Variants in TNS1 observed in about 807,000 individuals in gnomAD.
TNS1 encodes the protein tensin-1.
In TNS1, 62 loss-of-function variants were observed where a neutral mutation model predicts 168.6. The ratio of observed to expected loss-of-function variants is 0.37; its 90% CI spans 0.30 to 0.45. The LOEUF (loss-of-function observed/expected upper bound fraction) is 0.45, where lower values mean the gene tolerates loss of function less well. Among genes scored for constraint, TNS1 ranks in the 20% least tolerant of loss-of-function variants. The pLI is 1.00. For synonymous variants in TNS1, 934 were observed against 933.2 expected, an observed-to-expected ratio of 1.00 and a Z score of -0.02; for missense variants, 2,240 against 2,339.4, an observed-to-expected ratio of 0.96 and a Z score of 0.88.
intron 3 of TNS1, among the ~76,000 whole-genome samples, chr2:217,974,868 C>T (rs960740346): frequency 4.6e-5 from 7 of 152,190 alleles, no homozygotes; most frequent in Non-Finnish European, 7.3e-5. Context: ...CTCTGGGCAT[C>T]TGTAGTGTCA....
chr2:217,889,935 C>G, intron 12 of TNS1, among the ~76,000 whole-genome samples: 1 of 152,232 alleles, frequency 6.6e-6, no homozygotes, highest in East Asian at 1.9e-4. Flanking sequence ...CTGCCTGTGC[C>G]TTCCTGTGCA....
intron 4 of TNS1, among the ~76,000 whole-genome samples, chr2:217,912,064 G>A (rs1954472168): frequency 6.6e-6 from 1 of 152,240 alleles, no homozygotes; most frequent in African/African-American, 2.4e-5. Context: ...AGACACATAT[G>A]CCCTCTCCAC....
At chr2:217,983,962 G>A (rs1958124396) in intron 2 of TNS1, among the ~76,000 whole-genome samples, 1 of 152,178 alleles carries the variant, frequency 6.6e-6, no homozygotes, top group East Asian at 1.9e-4. Context: ...ATTTAAATCA[G>A]TAAACTATGA....
chr2:217,801,159 G>A lies in TNS1; in HGVS notation c.*3300C>T, dbSNP rs1214115807. 6.6e-6 allele frequency: 1 copy of A among 152,232 alleles called. No homozygotes were observed. The highest frequency in any genetic ancestry group is 1.9e-4 in the East Asian group (1 of 5,196). 9.4% of individuals were successfully genotyped at this position (152,232 alleles called of 1,614,324 possible). On this transcript the variant is annotated 3_prime_UTR_variant, in exon 33 of 33. Transcript: ENST00000682258. ...GGTCAAAGGCCTTTCCCAAACTTAG[G>A]ATGTGATGTATCTGTCCCTTAAGCG...
intron 19 of TNS1, among the ~76,000 whole-genome samples, chr2:217,840,059 G>C (rs1477245580): frequency 6.6e-6 from 1 of 152,252 alleles, no homozygotes; most frequent in East Asian, 1.9e-4. Context: ...GGAGGGAGGG[G>C]CGGTTGAAGG....
intron 18 of TNS1, among the ~76,000 whole-genome samples, chr2:217,868,796 C>T (rs917419465): frequency 4.6e-5 from 7 of 152,220 alleles, no homozygotes; most frequent in Admixed American, 1.3e-4. Context: ...CCAATCAGCA[C>T]GGGGCCTCCC....
At position 217,906,035 on chromosome 2, in the gene TNS1, G is replaced by A. The variant is rs999824839; in HGVS notation, c.321+300C>T. ...TCGGTTTCCCTTGCTGTGGTTTTGCGCATTTCCCCTTGATCCCCATGGCCA... is the reference window on the plus strand; with the variant it reads ...TCGGTTTCCCTTGCTGTGGTTTTGCACATTTCCCCTTGATCCCCATGGCCA... On this transcript the variant is annotated intron_variant, in intron 6 of 32. Coordinates refer to ENST00000682258, the MANE Select transcript of TNS1 (RefSeq NM_001387777.1). Among the ~76,000 whole-genome samples the A allele has an allele frequency of 1.1e-4, 17 of 152,256 alleles. No homozygotes were observed. The East Asian group carries it at 3.1e-3, about 28-fold the overall frequency.
intron 16 of TNS1, among the ~76,000 whole-genome samples, chr2:217,884,272 T>A (rs1368923674): frequency 6.6e-6 from 1 of 150,884 alleles, no homozygotes; most frequent in Non-Finnish European, 1.5e-5. Context: ...GGTGCATAGA[T>A]GGATGGGTGG....
At position 217,823,678 on chromosome 2, in the gene TNS1, G is replaced by A. The variant is rs374546722; in HGVS notation, c.3374-1740C>T. On this transcript the variant is annotated intron_variant, in intron 22 of 32. Transcript: ENST00000682258. The stretch of plus-strand genomic sequence containing the variant: ...ACACAGCTCCAGCCACAGCCTGCCC[G>A]TCTGTCTTTTGTCCCCATACAGAAC... Among the ~76,000 whole-genome samples the A allele has an allele frequency of 7.1e-4, 108 of 152,286 alleles. 3 individuals carry two copies. In the South Asian group the frequency reaches 0.021, roughly 29 times the overall value.
In TNS1 at chr2:217,853,450, T is replaced by C. The variant is rs549231505; in HGVS notation, c.1430-4363A>G. 3.3e-5 allele frequency among the ~76,000 whole-genome samples: 5 copies of C among 152,076 alleles called. No homozygotes were observed. In the East Asian group the frequency reaches 7.7e-4, roughly 23 times the overall value. ...GAGGGGTCTGCATGTTTGGGGGCTG[T>C]GGGCATTGTCACGGGTGACAATGGA... On this transcript the variant is annotated intron_variant, in intron 18 of 32. Coordinates refer to ENST00000682258, the MANE Select transcript of TNS1 (RefSeq NM_001387777.1).
intron 2 of TNS1, among the ~76,000 whole-genome samples, chr2:217,984,837 C>A (rs1360938900): frequency 6.6e-6 from 1 of 151,264 alleles, no homozygotes; most frequent in East Asian, 1.9e-4. Context: ...CTCACTGCAA[C>A]CTCCACCTCC....
At chr2:217,877,625 C>T (rs1010051166) in intron 18 of TNS1, among the ~76,000 whole-genome samples, 4 of 152,314 alleles carry the variant, frequency 2.6e-5, no homozygotes, top group African/African-American at 9.6e-5. Context: ...CGGGAGAGGG[C>T]TCTAAGTGTC....
intron 2 of TNS1, among the ~76,000 whole-genome samples, chr2:217,982,984 C>A (rs544736018): frequency 2.4e-4 from 36 of 152,222 alleles, no homozygotes; most frequent in African/African-American, 7.7e-4. Flanking sequence ...GACTAAGACA[C>A]CCCCCACCAC....
chr2:217,872,579 A>C lies in TNS1; in HGVS notation c.1429+8319T>G, dbSNP rs533524617. On this transcript the variant is annotated intron_variant, in intron 18 of 32. Transcript: ENST00000682258. ...TAAATGTGGGTGAGGATGCGGAGGAAGTCTCATACATTGCTGGTAGGAACG... is the reference window on the plus strand; with the variant it reads ...TAAATGTGGGTGAGGATGCGGAGGACGTCTCATACATTGCTGGTAGGAACG... Among the ~76,000 whole-genome samples, 12 of 152,352 alleles carry C rather than the reference A, an allele frequency of 7.9e-5. No homozygotes were observed. In the South Asian group the frequency reaches 2.5e-3, roughly 32 times the overall value.
chr2:218,012,487 A>G (rs1007078027), upstream of TNS1, among the ~76,000 whole-genome samples: 2 of 152,186 alleles, frequency 1.3e-5, no homozygotes. Flanking sequence ...TCAGCAGGGC[A>G]GAGTCCATTT....
At chr2:217,907,035 T>G (rs1435224176) in intron 5 of TNS1, among the ~76,000 whole-genome samples, 175 bp downstream of exon 5, 1 of 150,102 alleles carries the variant, frequency 6.7e-6, no homozygotes, top group Admixed American at 6.6e-5. Flanking sequence ...TCAGATGCCC[T>G]TCTCCCAGAG....
intron 1 of TNS1, among the ~76,000 whole-genome samples, chr2:217,996,313 C>T (rs941701722): frequency 1.3e-5 from 2 of 152,206 alleles, no homozygotes; most frequent in Non-Finnish European, 2.9e-5. Context: ...CGCACTCACT[C>T]AGCCTCCTGG....
At chr2:217,945,412 CG>C (rs1217969057) in intron 3 of TNS1, among the ~76,000 whole-genome samples, 5 of 152,164 alleles carry the variant, frequency 3.3e-5, no homozygotes, top group African/African-American at 1.2e-4. Context: ...AGGGCTGCCT[CG>C]CCCCCAGTCA....
intron 18 of TNS1, chr2:217,859,802 A>G: frequency 1.1e-6 from 1 of 932,660 alleles, no homozygotes; most frequent in Non-Finnish European, 1.6e-6. Flanking sequence ...GCTGAAAGGC[A>G]GGTGAACGGC....
Sources: gnomAD v4.1 joint callset for allele counts (sites outside exome capture counted in the v4.1 genomes callset) on GRCh38, gnomAD v4.1.1 for gene constraint, MANE v1.5 for transcripts, NCBI Gene and HGNC (gene_info 2026-07-23, HGNC 2026-07-21) for gene names.